DNAH9: variants seen among roughly 807,000 people sequenced by gnomAD.
The protein encoded by DNAH9 is dynein axonemal heavy chain 9, also known as DNAH9 variant protein.
DNAH9 carries 345 observed loss-of-function variants against 471.6 expected under a neutral mutation model. The ratio of observed to expected loss-of-function variants is 0.73; its 90% CI spans 0.67 to 0.80. The LOEUF is 0.80. DNAH9 is among the 30% of genes least tolerant of loss of function. The pLI, the probability that DNAH9 is intolerant of heterozygous loss-of-function variation, is 0.00. For missense variants in DNAH9, 5,407 were observed against 5,609.2 expected (o/e 0.96, Z 1.15); for synonymous variants, 2,093 against 2,123.6 (o/e 0.99, Z 0.40).
intron 57 of DNAH9, among the ~76,000 whole-genome samples, chr17:11,889,204 A>T (rs553126540): frequency 6.6e-6 from 1 of 152,330 alleles, no homozygotes; most frequent in Non-Finnish European, 1.5e-5. Context: ...GCAGAGAGAC[A>T]TGGCTGGGGG....
chr17:11,763,392 A>C, intron 35 of DNAH9, 48 bp from the exon 36 acceptor site: 1 of 1,551,576 alleles, frequency 6.4e-7, no homozygotes, highest in East Asian at 2.3e-5. Flanking sequence ...GCACCACCAG[A>C]ATGGAATATC....
intron 48 of DNAH9, among the ~76,000 whole-genome samples, chr17:11,826,023 G>C (rs1488417479): frequency 6.6e-6 from 1 of 152,154 alleles, no homozygotes; most frequent in South Asian, 2.1e-4. Flanking sequence ...ACTGACAGCT[G>C]GTCAGGTTTT....
At chr17:11,787,827 C>T (rs536111049) in intron 41 of DNAH9, among the ~76,000 whole-genome samples, 101 of 152,226 alleles carry the variant, frequency 6.6e-4, no homozygotes, top group Non-Finnish European at 1.0e-3. Context: ...CAGGGGTTTC[C>T]GCTTTTGCAT....
chr17:11,680,474 A>G (rs975075220), intron 18 of DNAH9, among the ~76,000 whole-genome samples: 2 of 152,216 alleles, frequency 1.3e-5, no homozygotes, highest in African/African-American at 2.4e-5. Flanking sequence ...TAGAGGGCTT[A>G]GAGGACCAGA....
chr17:11,647,208 C>T lies in DNAH9; in HGVS notation c.2097+10C>T, dbSNP rs1299177401. The T allele has an allele frequency of 6.2e-7, 1 of 1,612,676 alleles. No homozygotes were observed. Among genetic ancestry groups the T allele is most frequent in the Non-Finnish European group, 8.5e-7 (1 of 1,179,076 alleles). On this transcript the variant is annotated intron_variant, in intron 12 of 68. Transcript: ENST00000262442. Reference sequence around the variant, plus strand: ...CAACTTTAACCCACAGGTCAGTTGGCTGACAGTAGCTCTCTTTTGGGTTCC... The same window carrying T: ...CAACTTTAACCCACAGGTCAGTTGGTTGACAGTAGCTCTCTTTTGGGTTCC...
intron 48 of DNAH9, 126 bp from the exon 49 acceptor site, chr17:11,834,512 A>G: frequency 9.0e-7 from 1 of 1,109,116 alleles, no homozygotes; most frequent in Admixed American, 2.5e-5. Flanking sequence ...TTGTATCAGG[A>G]GCTGTCATCT....
At chr17:11,718,537 A>G (rs2150800413) in intron 26 of DNAH9, among the ~76,000 whole-genome samples, 1 of 152,342 alleles carries the variant, frequency 6.6e-6, no homozygotes, top group South Asian at 2.1e-4. Context: ...GTCCTTTTTA[A>G]TAGTACCAGA....
intron 15 of DNAH9, among the ~76,000 whole-genome samples, chr17:11,667,477 G>A (rs1313655590): frequency 6.6e-6 from 1 of 152,136 alleles, no homozygotes; most frequent in Non-Finnish European, 1.5e-5. Flanking sequence ...CATCCCTCCA[G>A]TTCTGAAGGC....
At chr17:11,635,941 T>C (rs1014243228) in intron 8 of DNAH9, among the ~76,000 whole-genome samples, 1 of 152,196 alleles carries the variant, frequency 6.6e-6, no homozygotes, top group Non-Finnish European at 1.5e-5. Flanking sequence ...TAGCTTCTTT[T>C]TCTTTTCCAT....
At chr17:11,796,603 G>C (rs971333195) in intron 42 of DNAH9, among the ~76,000 whole-genome samples, 1 of 150,836 alleles carries the variant, frequency 6.6e-6, no homozygotes. Context: ...TGTCCCTGCT[G>C]ATAAATAACA....
chr17:11,705,641 A>C (rs1218562918), intron 26 of DNAH9: 1 of 158,884 alleles, frequency 6.3e-6, no homozygotes, highest in Non-Finnish European at 1.4e-5. Context: ...ATTAGATAAA[A>C]GTATAAGTTC....
chr17:11,793,433 G>T, intron 41 of DNAH9, 70 bp from the exon 42 acceptor site: 3 of 1,444,786 alleles, frequency 2.1e-6, no homozygotes, highest in Non-Finnish European at 2.8e-6. Flanking sequence ...AATGCTCCAG[G>T]AAGTTTTCCT....
intron 68 of DNAH9, among the ~76,000 whole-genome samples, chr17:11,964,859 C>T (rs77452734): frequency 6.6e-6 from 1 of 152,088 alleles, no homozygotes; most frequent in Non-Finnish European, 1.5e-5. Flanking sequence ...TCCCCACCCC[C>T]CCACAAAAAA....
At chr17:11,694,607 TTG>T (rs2074396849) in intron 22 of DNAH9, among the ~76,000 whole-genome samples, 160 bp downstream of exon 22, 2 of 6,336 alleles carry the variant, frequency 3.2e-4, no homozygotes, top group African/African-American at 4.1e-4. Flanking sequence ...CGGAGCTTTC[TTG>T]CTTTCTTGCT....
At chr17:11,810,423 T>G in intron 45 of DNAH9, 54 bp downstream of exon 45, 2 of 1,584,104 alleles carry the variant, frequency 1.3e-6, no homozygotes, top group South Asian at 2.4e-5. Flanking sequence ...GGAATCAGAG[T>G]TATACAAAGG....
chr17:11,785,169 T>G (rs1172254615), intron 41 of DNAH9, among the ~76,000 whole-genome samples: 1 of 152,104 alleles, frequency 6.6e-6, no homozygotes, highest in East Asian at 1.9e-4. Flanking sequence ...GAGGGCCATC[T>G]AGCAAACCCA....
Position 11,961,859 on chromosome 17 carries a change from ATCT to A in DNAH9, c.12844-5_12844-3del. 6.3e-7 allele frequency: 1 copy of A among 1,586,960 alleles called. No homozygotes were observed. Among genetic ancestry groups the A allele is most frequent in the Non-Finnish European group, 8.6e-7 (1 of 1,164,100 alleles). ...TCACGCTTTCCCCCTCCCATTCTTT[ATCT>A]TCAGGGGGAGCTGACTATGACCAGC... On this transcript the variant is annotated splice_region_variant and splice_polypyrimidine_tract_variant and intron_variant, in intron 67 of 68. Coordinates refer to ENST00000262442, the MANE Select transcript of DNAH9 (RefSeq NM_001372.4).
rs960076553 is a variant in DNAH9 at position 11,891,739 on chromosome 17, G to T, written c.11113-38G>T. 3.7e-6 allele frequency: 6 copies of T among 1,607,102 alleles called. No individual in the cohort carries two copies. The African/African-American group carries it at 4.0e-5, about 11-fold the overall frequency. The stretch of plus-strand genomic sequence containing the variant: ...AAGACCACTAGTGTATAGTAAGAGG[G>T]CTGTGTACCTTACCAGTTTCCTGTC... On this transcript the variant is annotated intron_variant, in intron 57 of 68. Transcript: ENST00000262442.
intron 43 of DNAH9, among the ~76,000 whole-genome samples, chr17:11,803,420 G>T (rs1387336008): frequency 6.6e-6 from 1 of 152,148 alleles, no homozygotes; most frequent in Non-Finnish European, 1.5e-5. Context: ...ACACGCACAT[G>T]CGTGTCTAGT....
Sources: gnomAD v4.1 joint callset for allele counts (sites outside exome capture counted in the v4.1 genomes callset) on GRCh38, gnomAD v4.1.1 for gene constraint, MANE v1.5 for transcripts, NCBI Gene and HGNC (gene_info 2026-07-23, HGNC 2026-07-21) for gene names.